The following PLXNA3 variants were observed in gnomAD, a reference collection of about 807,000 sequenced individuals.
PLXNA3 encodes the protein plexin A3, also known as plexin-A3.
A neutral mutation model predicts 118.8 loss-of-function variants in PLXNA3; 52 were observed. The ratio of observed to expected loss-of-function variants is 0.44; its 90% CI spans 0.35 to 0.55. The LOEUF is 0.55. Among genes scored for constraint, PLXNA3 ranks in the 20% least tolerant of loss-of-function variants. The pLI, the probability that PLXNA3 is intolerant of heterozygous loss-of-function variation, is 0.01. For synonymous variants in PLXNA3, 925 were observed against 762.4 expected (o/e 1.21, Z -3.51); for missense variants, 1,660 against 1,730.8 (o/e 0.96, Z 0.73).
At position 154,464,595 on chromosome X, in the gene PLXNA3, A is replaced by G. The variant is rs2069043762; in HGVS notation, c.1928+94A>G. On this transcript the variant is annotated intron_variant, in intron 9 of 32. Coordinates refer to ENST00000369682, the MANE Select transcript of PLXNA3 (RefSeq NM_017514.5). The stretch of plus-strand genomic sequence containing the variant: ...TCAGGGCAGCTGTTTCTGGGGCATC[A>G]GGGGCTAACTGTCAGGCCCTGATAG... 1.1e-5 allele frequency: 9 copies of G among 795,874 alleles called. No individual in the cohort carries two copies. The South Asian group carries it at 2.1e-4, about 19-fold the overall frequency. The allele number at this position is 795,874 out of a possible 1,213,427, so 65.6% of individuals were successfully genotyped here. A position where few individuals can be genotyped will look rare whatever the true frequency, so the allele number is the denominator to read the frequency against.
Position 154,464,047 on chromosome X carries a change from TG to T in PLXNA3, c.1645del (p.Val549CysfsTer3), listed in dbSNP as rs781973903. On this transcript the variant is annotated frameshift_variant, in exon 7 of 33. Coordinates refer to ENST00000369682, the MANE Select transcript of PLXNA3 (RefSeq NM_017514.5). LOFTEE classifies it high-confidence loss of function. ...CVQVRVRPNN[V>X]SVTSPGVQLT... ...TCCAGGTGCGGGTCCGGCCCAACAA[TG>T]TGTCAGTGACGTCACCTGGGGTGCA... The T allele has an allele frequency of 8.3e-7, 1 of 1,209,454 alleles. No individual in the cohort carries two copies. Among genetic ancestry groups the T allele is most frequent in the Non-Finnish European group, 1.1e-6 (1 of 894,827 alleles).
chrX:154,471,597 C>T lies in PLXNA3; in HGVS notation c.5479C>T (p.Leu1827Phe). The change falls in exon 32 of 33, where the codon CTC becomes TTC. Residue 1827 changes from leucine (L) to phenylalanine (F), a missense_variant. Coordinates refer to ENST00000369682, the MANE Select transcript of PLXNA3 (RefSeq NM_017514.5). ...CAGCGACTTCAGCGTCCTGAGTGCG[C>T]TCAACGAGCTGTATTTCTATGTCAC... ...HASDFSVLSA[L>F]NELYFYVTKY... The T allele has an allele frequency of 1.7e-6, 2 of 1,210,689 alleles. No homozygotes were observed. Among genetic ancestry groups the T allele is most frequent in the Non-Finnish European group, 1.1e-6 (1 of 894,616 alleles).
rs2148259585 is a variant in PLXNA3 at position 154,475,635 on chromosome X, G to C, written c.*2950G>C. 8.9e-6 allele frequency: 1 copy of C among 112,398 alleles called. No homozygotes were observed. The highest frequency in any genetic ancestry group is 2.8e-4 in the East Asian group (1 of 3,587). The allele number at this position is 112,398 out of a possible 1,213,427, so 9.3% of individuals were successfully genotyped here. A position where few individuals can be genotyped will look rare whatever the true frequency, so the allele number is the denominator to read the frequency against. On this transcript the variant is annotated 3_prime_UTR_variant, in exon 33 of 33. Coordinates refer to ENST00000369682, the MANE Select transcript of PLXNA3 (RefSeq NM_017514.5). ...AAATAATAAAGAGAAGGACGTGTGA[G>C]GCAGGACTGGATTGTAGCCCAGGAT...
At chrX:154,461,662 T>C in intron 3 of PLXNA3, 24 bp downstream of exon 3, 2 of 1,155,867 alleles carry the variant, frequency 1.7e-6, no homozygotes, top group Non-Finnish European at 2.3e-6. Flanking sequence ...CACCCCACAC[T>C]GGTCCTCTGC....
chrX:154,476,579 C>T lies in PLXNA3; in HGVS notation c.*3894C>T, dbSNP rs2069237873. ...AAAAGAGAGGGAGAGAGGAAAGTGT[C>T]ATCTTCATAAGCTGAAGGCCAGTGC... On this transcript the variant is annotated 3_prime_UTR_variant, in exon 33 of 33. Coordinates refer to ENST00000369682, the MANE Select transcript of PLXNA3 (RefSeq NM_017514.5). The T allele has an allele frequency of 9.0e-6, 1 of 111,646 alleles. No individual in the cohort carries two copies. Among genetic ancestry groups the T allele is most frequent in the African/African-American group, 3.3e-5 (1 of 30,705 alleles). 9.2% of individuals were successfully genotyped at this position (111,646 alleles called of 1,213,427 possible).
Position 154,471,141 on chromosome X carries a change from C to A in PLXNA3, c.5193C>A (p.Asn1731Lys). 8.3e-7 allele frequency: 1 copy of A among 1,211,172 alleles called. No individual in the cohort carries two copies. The highest frequency in any genetic ancestry group is 1.1e-6 in the Non-Finnish European group (1 of 895,160). ...PLRFWVNVIKNPQFVFDIHKN... is the reference protein window; with the variant it reads ...PLRFWVNVIKKPQFVFDIHKN... ...GCTTCTGGGTGAATGTGATCAAGAACCCGCAGTTCGTGTTCGACATCCACA... is the reference window on the plus strand; with the variant it reads ...GCTTCTGGGTGAATGTGATCAAGAAACCGCAGTTCGTGTTCGACATCCACA... The change falls in exon 31 of 33, where the codon AAC (asparagine) becomes AAA (lysine). Residue 1731 changes from asparagine to lysine, a missense_variant. This residue lies in a region of PLXNA3 where 869 missense variants were observed against 1,078.7 expected (regional missense o/e 0.81). Transcript: ENST00000369682.
Position 154,469,727 on chromosome X carries a change from G to T in PLXNA3, c.4738G>T (p.Val1580Leu). ...GSLVALVPKQ[V>L]SAYNMANSFT... ...CTTGGTGGCATTGGTGCCCAAACAA[G>T]TGTCTGCCTATAACATGGCCAACTC... Residue 1580 changes from valine (V) to leucine (L), a missense_variant, in exon 28 of 33, where the codon GTG becomes TTG. Val to Leu is a conservative substitution (Grantham distance 32). Around this residue, in one of 2 missense-constraint regions of PLXNA3, gnomAD observed 869 missense variants for 1,078.7 expected, o/e 0.81. Coordinates refer to ENST00000369682, the MANE Select transcript of PLXNA3 (RefSeq NM_017514.5). The T allele has an allele frequency of 3.3e-6, 4 of 1,211,445 alleles. No homozygotes were observed. Among genetic ancestry groups the T allele is most frequent in the Non-Finnish European group, 4.5e-6 (4 of 895,013 alleles).
Position 154,463,253 on chromosome X carries a change from C to A in PLXNA3, c.1318-138C>A, listed in dbSNP as rs781845927. On this transcript the variant is annotated intron_variant, in intron 4 of 32. Transcript: ENST00000369682. The stretch of plus-strand genomic sequence containing the variant: ...GTCTGCACCCTCCTTTTTTTGGCCT[C>A]CGGGCTGTGGGTGTGAGTGCTGAAC... The A allele has an allele frequency of 9.3e-5, 81 of 874,094 alleles. 1 individual carries two copies. The African/African-American group carries it at 1.1e-3, about 12-fold the overall frequency. The allele number at this position is 874,094 out of a possible 1,213,427, so 72.0% of individuals were successfully genotyped here. A position where few individuals can be genotyped will look rare whatever the true frequency, so the allele number is the denominator to read the frequency against.
Position 154,476,859 on chromosome X carries a change from C to A in PLXNA3, c.*4174C>A, listed in dbSNP as rs1383976589. The A allele has an allele frequency of 8.9e-6, 1 of 111,898 alleles. No homozygotes were observed. Among genetic ancestry groups the A allele is most frequent in the African/African-American group, 3.3e-5 (1 of 30,769 alleles). 9.2% of individuals were successfully genotyped at this position (111,898 alleles called of 1,213,427 possible). The stretch of plus-strand genomic sequence containing the variant: ...TTTCCTGGTGGAGCCTGGCAGACAC[C>A]CGGACTTTAGGAGTTGAAACTGATT... On this transcript the variant is annotated 3_prime_UTR_variant, in exon 33 of 33. Transcript: ENST00000369682.
Position 154,477,733 on chromosome X carries a change from T to G in PLXNA3, c.*5048T>G. 2.4e-5 allele frequency: 8 copies of G among 329,296 alleles called. No individual in the cohort carries two copies. The highest frequency in any genetic ancestry group is 2.6e-5 in the Non-Finnish European group (5 of 189,234). 27.1% of individuals were successfully genotyped at this position (329,296 alleles called of 1,213,427 possible). A position where few individuals can be genotyped will look rare whatever the true frequency, so the allele number is the denominator to read the frequency against. ...CCCAGCAACCCAAGCACAACAAGAATATTGGGAGGTGCCCCAGCTGCAAAT... is the reference window on the plus strand; with the variant it reads ...CCCAGCAACCCAAGCACAACAAGAAGATTGGGAGGTGCCCCAGCTGCAAAT... On this transcript the variant is annotated 3_prime_UTR_variant, in exon 33 of 33. Coordinates refer to ENST00000369682, the MANE Select transcript of PLXNA3 (RefSeq NM_017514.5).
rs781866776 is a variant in PLXNA3, at chrX:154,461,519, C to T, written c.1015C>T (p.Leu339Phe). The change falls in exon 3 of 33, where the codon CTC becomes TTC. Residue 339 changes from leucine to phenylalanine, a missense_variant. Leu to Phe is a conservative substitution (Grantham distance 22). Transcript: ENST00000369682. ...ASPPRQTILCLFTLSNINAHI... is the reference protein window; with the variant it reads ...ASPPRQTILCFFTLSNINAHI... ...CCCACCCCGGCAGACCATCCTCTGC[C>T]TCTTCACCCTCAGCAACATCAATGC... The T allele has an allele frequency of 5.0e-6, 6 of 1,210,557 alleles. No individual in the cohort carries two copies. The highest frequency in any genetic ancestry group is 6.7e-6 in the Non-Finnish European group (6 of 895,154).
Position 154,469,158 on chromosome X carries a change from A to G in PLXNA3, c.4537A>G (p.Thr1513Ala). The G allele has an allele frequency of 8.3e-7, 1 of 1,211,310 alleles. No individual in the cohort carries two copies. Among genetic ancestry groups the G allele is most frequent in the Non-Finnish European group, 1.1e-6 (1 of 895,443 alleles). The change falls in exon 26 of 33, where the codon ACT becomes GCT. Residue 1513 changes from threonine to alanine, a missense_variant. Around this residue, in one of 2 missense-constraint regions of PLXNA3, gnomAD observed 869 missense variants for 1,078.7 expected, o/e 0.81. Transcript: ENST00000369682. ...ITQAKDKLLD[T>A]VYKGIPYSQR... is the part of the protein sequence containing the mutation. ...CCAGGCCAAAGATAAGCTGCTGGAC[A>G]CTGTGTACAAGGGCATTCCGTACTC... is the stretch of plus-strand genomic sequence containing the variant.
chrX:154,458,679 A>T (rs2068882100), intron 1 of PLXNA3, among the ~76,000 whole-genome samples: 2 of 111,286 alleles, frequency 1.8e-5, no homozygotes, highest in South Asian at 7.5e-4. Context: ...CCTCCCGCTA[A>T]GGGCTCCGCG....
At position 154,471,465 on chromosome X, in the gene PLXNA3, T is replaced by C. The variant is rs375527104; in HGVS notation, c.5370-23T>C. The C allele has an allele frequency of 5.9e-6, 7 of 1,187,370 alleles. No homozygotes were observed. In the African/African-American group the frequency reaches 8.8e-5, roughly 15 times the overall value. Reference sequence around the variant, plus strand: ...TCTAGTTTTTGTGATGTCGCCTGAGTGACATACTCAGGGTCCCAACAGGTA... The same window carrying C: ...TCTAGTTTTTGTGATGTCGCCTGAGCGACATACTCAGGGTCCCAACAGGTA... On this transcript the variant is annotated intron_variant, in intron 31 of 32. Coordinates refer to ENST00000369682, the MANE Select transcript of PLXNA3 (RefSeq NM_017514.5).
chrX:154,465,832 C>A lies in PLXNA3; in HGVS notation c.2517C>A (p.His839Gln). 8.3e-7 allele frequency: 1 copy of A among 1,206,535 alleles called. No individual in the cohort carries two copies. Among genetic ancestry groups the A allele is most frequent in the South Asian group, 1.8e-5 (1 of 56,302 alleles). ...GCCAGAAGGGCACCCGGTGCAGCCA[C>A]CCCCGCATCACGCAGGTCAGCCTCC... is the stretch of plus-strand genomic sequence containing the variant. ...HLSQKGTRCS[H>Q]PRITQIHPLV... Residue 839 changes from histidine (H) to glutamine (Q), a missense_variant, in exon 13 of 33, where the codon CAC becomes CAA. Coordinates refer to ENST00000369682, the MANE Select transcript of PLXNA3 (RefSeq NM_017514.5).
At chrX:154,463,221 T>G (rs141761536) in intron 4 of PLXNA3, among the ~76,000 whole-genome samples, 170 bp from the exon 5 acceptor site, 10 of 110,678 alleles carry the variant, frequency 9.0e-5, no homozygotes, top group African/African-American at 2.6e-4. Context: ...TGAGGGCATT[T>G]TCTGGCGTCT....
Position 154,472,642 on chromosome X carries a change from A to C in PLXNA3, c.5573A>C (p.Gln1858Pro), listed in dbSNP as rs782663738. Reference sequence around the variant, plus strand: ...TCTTGTCGGAAGCATAAGTTGCGGCAGAAACTGGAACAGATCATCAGCCTC... The same window carrying C: ...TCTTGTCGGAAGCATAAGTTGCGGCCGAAACTGGAACAGATCATCAGCCTC... ...DASCRKHKLRQKLEQIISLVS... is the reference protein window; with the variant it reads ...DASCRKHKLRPKLEQIISLVS... Residue 1858 changes from glutamine to proline, a missense_variant, in exon 33 of 33, where the codon CAG becomes CCG. Gln to Pro is a moderately conservative substitution (Grantham distance 76, BLOSUM62 -1). Around this residue, in one of 2 missense-constraint regions of PLXNA3, gnomAD observed 869 missense variants for 1,078.7 expected, o/e 0.81. Transcript: ENST00000369682. 8.3e-7 allele frequency: 1 copy of C among 1,206,786 alleles called. No individual in the cohort carries two copies. The highest frequency in any genetic ancestry group is 1.8e-5 in the African/African-American group (1 of 57,048).
rs781983904 is a variant in PLXNA3, at chrX:154,461,656, C to G, written c.1134+18C>G. On this transcript the variant is annotated intron_variant, in intron 3 of 32. Transcript: ENST00000369682. ...TCAACACCGTGAGCCCCTCATCACCCCACACTGGTCCTCTGCCCTGTCCCA... is the reference window on the plus strand; with the variant it reads ...TCAACACCGTGAGCCCCTCATCACCGCACACTGGTCCTCTGCCCTGTCCCA... 3.5e-6 allele frequency: 4 copies of G among 1,159,406 alleles called. No homozygotes were observed. In the East Asian group the frequency reaches 8.9e-5, roughly 26 times the overall value.
chrX:154,476,381 CG>C lies in PLXNA3; in HGVS notation c.*3699del, dbSNP rs2069236070. 1 of 104,211 alleles carries C rather than the reference CG, an allele frequency of 9.6e-6. No homozygotes were observed. The highest frequency in any genetic ancestry group is 3.5e-5 in the African/African-American group (1 of 28,226). 8.6% of individuals were successfully genotyped at this position (104,211 alleles called of 1,213,427 possible). On this transcript the variant is annotated 3_prime_UTR_variant, in exon 33 of 33. Transcript: ENST00000369682. ...TGAGGCAGGAGAATTCACTTGAACCCGGGAAGTGGAGGTTGCGGTGAGCCAA... is the reference window on the plus strand; with the variant it reads ...TGAGGCAGGAGAATTCACTTGAACCCGGAAGTGGAGGTTGCGGTGAGCCAA...
Sources: gnomAD v4.1 joint callset for allele counts (sites outside exome capture counted in the v4.1 genomes callset) on GRCh38, gnomAD v4.1.1 for gene constraint, gnomAD v4.1.1 regional missense constraint, MANE v1.5 for transcripts, NCBI Gene and HGNC (gene_info 2026-07-23, HGNC 2026-07-21) for gene names.